Variants in FBXL7 observed in about 807,000 individuals in gnomAD.
FBXL7 encodes the protein F-box/LRR-repeat protein 7.
FBXL7 carries 12 observed loss-of-function variants against 38.3 expected under a neutral mutation model. The ratio of observed to expected loss-of-function variants is 0.31; its 90% CI spans 0.20 to 0.51. The LOEUF (loss-of-function observed/expected upper bound fraction) is 0.51. Ranked by LOEUF, FBXL7 falls within the 20% of genes least tolerant of loss-of-function variation. The pLI is 0.98. For missense variants in FBXL7, 567 were observed against 676.4 expected (o/e 0.84, Z 1.79); for synonymous variants, 297 against 300.9 (o/e 0.99, Z 0.13).
chr5:15,601,047 T>G (rs2126493248), intron 1 of FBXL7, among the ~76,000 whole-genome samples: 1 of 152,312 alleles, frequency 6.6e-6, no homozygotes, highest in African/African-American at 2.4e-5. Flanking sequence ...CTGAGATGGC[T>G]TGGTTATGGA....
chr5:15,523,612 G>A (rs1466526248), intron 1 of FBXL7, among the ~76,000 whole-genome samples: 2 of 152,044 alleles, frequency 1.3e-5, no homozygotes, highest in East Asian at 1.9e-4. Context: ...CGGATTTCAC[G>A]TGGGGCTCCT....
intron 2 of FBXL7, among the ~76,000 whole-genome samples, chr5:15,883,703 A>G (rs2126344493): frequency 6.6e-6 from 1 of 152,268 alleles, no homozygotes; most frequent in East Asian, 1.9e-4. Flanking sequence ...ACATCTGGAG[A>G]CAATTTTTTC....
At chr5:15,684,860 T>G (rs1484907006) in intron 2 of FBXL7, among the ~76,000 whole-genome samples, 1 of 152,164 alleles carries the variant, frequency 6.6e-6, no homozygotes, top group Admixed American at 6.5e-5. Context: ...AGTAGAAAGT[T>G]AGAGAAAATG....
intron 1 of FBXL7, among the ~76,000 whole-genome samples, chr5:15,581,625 C>T (rs909795426): frequency 6.6e-6 from 1 of 152,224 alleles, no homozygotes; most frequent in Non-Finnish European, 1.5e-5. Flanking sequence ...AATTGAAACA[C>T]TTAAGTCCTA....
intron 2 of FBXL7, among the ~76,000 whole-genome samples, chr5:15,913,840 T>C (rs1741509778): frequency 1.3e-5 from 2 of 152,164 alleles, no homozygotes; most frequent in Admixed American, 1.3e-4. Context: ...CTCTGAGCTC[T>C]CTGGAAGACA....
At chr5:15,616,322 G>T (rs554182356) in intron 2 of FBXL7, among the ~76,000 whole-genome samples, 1 of 152,254 alleles carries the variant, frequency 6.6e-6, no homozygotes, top group South Asian at 2.1e-4. Context: ...TGTGAAAATG[G>T]AATAGGCTGA....
chr5:15,626,521 A>T (rs1386879332), intron 2 of FBXL7, among the ~76,000 whole-genome samples: 2 of 149,016 alleles, frequency 1.3e-5, no homozygotes, highest in Non-Finnish European at 1.5e-5. Context: ...ATCATATGAT[A>T]GTCTTAGAAG....
chr5:15,654,074 CTTTG>C (rs990400007), intron 2 of FBXL7, among the ~76,000 whole-genome samples: 4 of 152,204 alleles, frequency 2.6e-5, no homozygotes, highest in African/African-American at 9.6e-5. Flanking sequence ...GTCCATTTAA[CTTTG>C]TTTGAGCCAA....
chr5:15,648,209 G>A (rs1741595669), intron 2 of FBXL7, among the ~76,000 whole-genome samples: 1 of 152,304 alleles, frequency 6.6e-6, no homozygotes, highest in Middle Eastern at 3.4e-3. Flanking sequence ...ACTCATTGAA[G>A]AATTGAAGAT....
intron 2 of FBXL7, among the ~76,000 whole-genome samples, chr5:15,712,178 A>G (rs992707143): frequency 6.6e-6 from 1 of 152,232 alleles, no homozygotes; most frequent in African/African-American, 2.4e-5. Context: ...CAATGCTTAC[A>G]TACAAAGTCA....
At chr5:15,826,783 G>A (rs1303184559) in intron 2 of FBXL7, among the ~76,000 whole-genome samples, 1 of 152,132 alleles carries the variant, frequency 6.6e-6, no homozygotes, top group Non-Finnish European at 1.5e-5. Flanking sequence ...CTAGTCGTAT[G>A]CCTAGGCTAT....
intron 1 of FBXL7, among the ~76,000 whole-genome samples, chr5:15,563,996 A>G (rs763551099): frequency 1.3e-5 from 2 of 152,028 alleles, no homozygotes; most frequent in Non-Finnish European, 2.9e-5. Context: ...AAATAAATTC[A>G]TGTCTTATGA....
In FBXL7 at chr5:15,764,921, A is replaced by T. The variant is rs572565161; in HGVS notation, c.127+148849A>T. ...TTTGGAAGCCAAGAGGCAAATTGCA[A>T]ATATTATGTATCTCCTTACATAATA... is the stretch of plus-strand genomic sequence containing the variant. On this transcript the variant is annotated intron_variant, in intron 2 of 3. Transcript: ENST00000504595. 6.6e-5 allele frequency among the ~76,000 whole-genome samples: 10 copies of T among 152,382 alleles called. No individual in the cohort carries two copies. The South Asian group carries it at 2.1e-3, about 32-fold the overall frequency.
intron 2 of FBXL7, among the ~76,000 whole-genome samples, chr5:15,689,776 C>CT (rs1743128538): frequency 6.6e-6 from 1 of 152,142 alleles, no homozygotes; most frequent in South Asian, 2.1e-4. Flanking sequence ...AGGAAACTGT[C>CT]TAAAAGAACT....
chr5:15,619,495 GT>G (rs1740558530), intron 2 of FBXL7, among the ~76,000 whole-genome samples: 1 of 152,114 alleles, frequency 6.6e-6, no homozygotes, highest in East Asian at 1.9e-4. Context: ...TCTTCCCACT[GT>G]TTTCTAGAAC....
At chr5:15,817,748 G>C (rs140227400) in intron 2 of FBXL7, among the ~76,000 whole-genome samples, 1 of 152,186 alleles carries the variant, frequency 6.6e-6, no homozygotes, top group Admixed American at 6.5e-5. Context: ...TTCACCTTTC[G>C]CCATGATTGT....
rs374060039 is a variant in FBXL7, at chr5:15,689,619, A to G, written c.127+73547A>G. On this transcript the variant is annotated intron_variant, in intron 2 of 3. Coordinates refer to ENST00000504595, the MANE Select transcript of FBXL7 (RefSeq NM_012304.5). ...AATAGTGCCTCAAAAGGTAGGTTGCACTGGTTAACTAAGATAAACAAAAAC... is the reference window on the plus strand; with the variant it reads ...AATAGTGCCTCAAAAGGTAGGTTGCGCTGGTTAACTAAGATAAACAAAAAC... 5.3e-5 allele frequency among the ~76,000 whole-genome samples: 8 copies of G among 152,342 alleles called. No homozygotes were observed. The South Asian group carries it at 1.7e-3, about 32-fold the overall frequency.
intron 2 of FBXL7, among the ~76,000 whole-genome samples, chr5:15,685,528 A>G (rs951360926): frequency 1.3e-5 from 2 of 152,208 alleles, no homozygotes; most frequent in African/African-American, 4.8e-5. Context: ...TGAAAAAGAA[A>G]TATGTGTAGG....
chr5:15,888,104 ATT>A (rs1198011408), intron 2 of FBXL7, among the ~76,000 whole-genome samples: 1 of 152,224 alleles, frequency 6.6e-6, no homozygotes, highest in African/African-American at 2.4e-5. Flanking sequence ...ACTAATTCAT[ATT>A]GCACTATCAT....
Sources: gnomAD v4.1 joint callset for allele counts (sites outside exome capture counted in the v4.1 genomes callset) on GRCh38, gnomAD v4.1.1 for gene constraint, MANE v1.5 for transcripts, NCBI Gene and HGNC (gene_info 2026-07-23, HGNC 2026-07-21) for gene names.